Variants in RBFOX1 observed in about 807,000 individuals in gnomAD.
The protein encoded by RBFOX1 is RNA binding fox-1 homolog 1.
A neutral mutation model predicts 57.7 loss-of-function variants in RBFOX1; 8 were observed. The ratio of observed to expected loss-of-function variants is 0.14; its 90% confidence interval spans 0.08 to 0.25. RBFOX1 has a LOEUF of 0.25. Among genes scored for constraint, RBFOX1 ranks in the 10% least tolerant of loss-of-function variants. RBFOX1 has a pLI of 1.00. For missense variants in RBFOX1, 611 were observed against 548.5 expected, an observed-to-expected ratio of 1.11 and a Z score of -1.14; for synonymous variants, 326 against 222.4, an observed-to-expected ratio of 1.47 and a Z score of -4.15.
intron 3 of RBFOX1, among the ~76,000 whole-genome samples, chr16:6,740,074 C>A (rs1043590358): frequency 6.6e-6 from 1 of 152,098 alleles, no homozygotes; most frequent in Non-Finnish European, 1.5e-5. Flanking sequence ...GCACCCCAAC[C>A]TAATGAGGAA....
chr16:6,170,250 A>G (rs2096950111), intron 1 of RBFOX1, among the ~76,000 whole-genome samples: 1 of 152,294 alleles, frequency 6.6e-6, no homozygotes, highest in East Asian at 1.9e-4. Flanking sequence ...GTTCATGTCC[A>G]GTATTTGCCA....
At chr16:6,960,942 A>C (rs890488816) in intron 3 of RBFOX1, among the ~76,000 whole-genome samples, 1 of 147,894 alleles carries the variant, frequency 6.8e-6, no homozygotes, top group Non-Finnish European at 1.5e-5. Flanking sequence ...AGCCTGGCCA[A>C]CGTGATGAAA....
intron 2 of RBFOX1, among the ~76,000 whole-genome samples, chr16:5,502,341 G>A (rs934308361): frequency 6.7e-6 from 1 of 149,426 alleles, no homozygotes; most frequent in Non-Finnish European, 1.5e-5. Flanking sequence ...CAGTGGATGG[G>A]GACACTGTAA....
At chr16:7,276,806 A>G (rs1163417329) in intron 4 of RBFOX1, among the ~76,000 whole-genome samples, 1 of 152,190 alleles carries the variant, frequency 6.6e-6, no homozygotes, top group Non-Finnish European at 1.5e-5. Context: ...AAATGTTCTT[A>G]AGGATAGTCT....
chr16:6,162,803 G>A (rs759626742), intron 1 of RBFOX1, among the ~76,000 whole-genome samples: 1 of 152,028 alleles, frequency 6.6e-6, no homozygotes, highest in East Asian at 1.9e-4. Context: ...ACATGATCTC[G>A]GCTCACTGCA....
intron 1 of RBFOX1, among the ~76,000 whole-genome samples, chr16:5,259,576 A>G (rs1026821284): frequency 2.0e-5 from 3 of 152,154 alleles, no homozygotes; most frequent in African/African-American, 7.2e-5. Flanking sequence ...GCTCAGTGGA[A>G]CAGGTGCTGA....
intron 3 of RBFOX1, among the ~76,000 whole-genome samples, chr16:5,855,740 G>GT (rs1315686406): frequency 1.1e-4 from 16 of 151,948 alleles, no homozygotes; most frequent in African/African-American, 3.9e-4. Flanking sequence ...TTTTAGGGTT[G>GT]TTTTTTCTAT....
intron 1 of RBFOX1, among the ~76,000 whole-genome samples, chr16:5,410,939 G>A (rs1244334363): frequency 6.6e-6 from 1 of 152,174 alleles, no homozygotes; most frequent in South Asian, 2.1e-4. Context: ...TCTCTAACTG[G>A]GGATCATGAA....
intron 14 of RBFOX1, among the ~76,000 whole-genome samples, chr16:7,689,149 G>A (rs1034119050): frequency 6.6e-6 from 1 of 152,132 alleles, no homozygotes; most frequent in African/African-American, 2.4e-5. Context: ...GCAACTTGCA[G>A]TCATAAGTGC....
At chr16:7,660,038 G>A (rs968099138) in intron 12 of RBFOX1, among the ~76,000 whole-genome samples, 1 of 152,114 alleles carries the variant, frequency 6.6e-6, no homozygotes, top group Non-Finnish European at 1.5e-5. Context: ...TAGTTGGAAG[G>A]GGCCTCAGGG....
chr16:7,161,518 C>G (rs1384196849), intron 4 of RBFOX1, among the ~76,000 whole-genome samples: 2 of 152,040 alleles, frequency 1.3e-5, no homozygotes, highest in Admixed American at 1.3e-4. Context: ...TTTTTAATTC[C>G]TATTTTACAG....
rs560656739 is a variant in RBFOX1 at position 6,394,694 on chromosome 16, A to ATG, written c.-64+77649_-64+77650dup. 4.5e-3 allele frequency among the ~76,000 whole-genome samples: 680 copies of ATG among 151,432 alleles called. 2 individuals are homozygous for ATG. Among genetic ancestry groups the ATG allele is most frequent in the Admixed American group, 0.01 (157 of 15,144 alleles). On this transcript the variant is annotated intron_variant, in intron 2 of 15. Transcript: ENST00000550418. ...ATATGATATATTAATGTATTAGATA[A>ATG]TGTGTGTGTGTGTAAGTATGTATAT...
In RBFOX1 at chr16:5,630,810, G is replaced by C. The variant is rs533934337; in HGVS notation, c.318+31849G>C. On this transcript the variant is annotated intron_variant, in intron 3 of 19. Transcript: ENST00000641259. ...TGGAAAAAAGGCAATGAGGGAGATAGAGTGTGTGGATGAGGAAGTCATTTC... is the reference window on the plus strand; with the variant it reads ...TGGAAAAAAGGCAATGAGGGAGATACAGTGTGTGGATGAGGAAGTCATTTC... Among the ~76,000 whole-genome samples, 4 of 152,342 alleles carry C rather than the reference G, an allele frequency of 2.6e-5. No individual in the cohort carries two copies. The South Asian group carries it at 6.2e-4, about 24-fold the overall frequency.
At chr16:7,495,384 A>T (rs1361394470) in intron 4 of RBFOX1, among the ~76,000 whole-genome samples, 2 of 152,182 alleles carry the variant, frequency 1.3e-5, no homozygotes, top group African/African-American at 2.4e-5. Flanking sequence ...GTTCTTTGAG[A>T]AATACTCAAA....
At chr16:6,748,064 C>G (rs924362851) in intron 3 of RBFOX1, among the ~76,000 whole-genome samples, 5 of 152,236 alleles carry the variant, frequency 3.3e-5, no homozygotes, top group African/African-American at 9.6e-5. Flanking sequence ...AACCATTTTC[C>G]TGATACTTTT....
At position 6,806,838 on chromosome 16, in the gene RBFOX1, T is replaced by TTATATATATATATATA. The variant is rs1376400535; in HGVS notation, c.-16+152189_-16+152190insATATATATATATATAT. On this transcript the variant is annotated intron_variant, in intron 3 of 15. Coordinates refer to ENST00000550418, the MANE Select transcript of RBFOX1 (RefSeq NM_018723.4). ...TATAAATATATATATATATATATATTTTTTTTTTTTTTTGAGAGAAAGTCT... is the reference window on the plus strand; with the variant it reads ...TATAAATATATATATATATATATATTTATATATATATATATATTTTTTTTTTTTTGAGAGAAAGTCT... 1.0e-3 allele frequency among the ~76,000 whole-genome samples: 49 copies of TTATATATATATATATA among 48,084 alleles called. 1 individual carries two copies. Among genetic ancestry groups the TTATATATATATATATA allele is most frequent in the African/African-American group, 1.9e-3 (24 of 12,434 alleles). 31.5% of individuals were successfully genotyped at this position (48,084 alleles called of 152,430 possible).
intron 2 of RBFOX1, among the ~76,000 whole-genome samples, chr16:5,594,185 C>A (rs1293346931): frequency 6.6e-6 from 1 of 152,156 alleles, no homozygotes; most frequent in Admixed American, 6.5e-5. Flanking sequence ...TGGTCTTGGC[C>A]TTCTGTTAAC....
At chr16:7,067,446 C>CTTT (rs780323330) in intron 4 of RBFOX1, among the ~76,000 whole-genome samples, 2 of 141,746 alleles carry the variant, frequency 1.4e-5, no homozygotes, top group African/African-American at 5.2e-5. Flanking sequence ...GGAGAGAATC[C>CTTT]TTTTTTTTTT....
At chr16:6,549,952 G>C (rs2096960697) in intron 2 of RBFOX1, among the ~76,000 whole-genome samples, 1 of 152,078 alleles carries the variant, frequency 6.6e-6, no homozygotes, top group South Asian at 2.1e-4. Flanking sequence ...GCTTTCTTTG[G>C]CTGGCTTTGC....
Sources: gnomAD v4.1 joint callset for allele counts (sites outside exome capture counted in the v4.1 genomes callset) on GRCh38, gnomAD v4.1.1 for gene constraint, MANE v1.5 for transcripts, NCBI Gene and HGNC (gene_info 2026-07-23, HGNC 2026-07-21) for gene names.